Variants in NTRK2 observed in about 807,000 individuals in gnomAD.
NTRK2 encodes neurotrophic receptor tyrosine kinase 2.
In NTRK2, 13 loss-of-function variants were observed where a neutral mutation model predicts 94.5. That is an observed-to-expected ratio of 0.14 (90% CI 0.09 to 0.22). The LOEUF (loss-of-function observed/expected upper bound fraction) is 0.22. Ranked by LOEUF, NTRK2 falls within the 10% of genes least tolerant of loss-of-function variation. The pLI is 1.00. For synonymous variants in NTRK2, 372 were observed against 407.4 expected (o/e 0.91, Z 1.05); for missense variants, 639 against 1,071.2 (o/e 0.60, Z 5.63).
At chr9:84,982,948 G>C (rs1827838449) in intron 17 of NTRK2, among the ~76,000 whole-genome samples, 1 of 151,912 alleles carries the variant, frequency 6.6e-6, no homozygotes, top group African/African-American at 2.4e-5. Flanking sequence ...GAGCAGTGGT[G>C]GATTTTTTTT....
At chr9:84,832,758 T>C (rs1483101514) in intron 12 of NTRK2, among the ~76,000 whole-genome samples, 2 of 152,184 alleles carry the variant, frequency 1.3e-5, no homozygotes, top group African/African-American at 2.4e-5. Flanking sequence ...CACCTCAGTA[T>C]GATTTGCTGT....
intron 16 of NTRK2, among the ~76,000 whole-genome samples, chr9:84,953,768 G>A (rs1453887607): frequency 6.6e-6 from 1 of 152,172 alleles, no homozygotes; most frequent in Admixed American, 6.5e-5. Flanking sequence ...CTGTATTTTT[G>A]ACTAATGAAG....
intron 12 of NTRK2, among the ~76,000 whole-genome samples, chr9:84,820,150 T>A (rs2072694274): frequency 6.6e-6 from 1 of 151,172 alleles, no homozygotes; most frequent in East Asian, 1.9e-4. Context: ...AATAGCTTAC[T>A]TTTTTTCTTT....
At chr9:84,872,884 C>T (rs200695302) in intron 14 of NTRK2, 284 of 1,065,410 alleles carry the variant, frequency 2.7e-4, no homozygotes, top group Non-Finnish European at 1.8e-4. Flanking sequence ...GGCACCCATT[C>T]TGCTCCCCTC....
chr9:84,998,548 C>A (rs1169111550), intron 17 of NTRK2, among the ~76,000 whole-genome samples: 4 of 152,194 alleles, frequency 2.6e-5, no homozygotes, highest in Admixed American at 1.3e-4. Context: ...GGCATACATG[C>A]TTTGCCTCCA....
At chr9:84,938,851 G>T (rs1024722962) in intron 15 of NTRK2, among the ~76,000 whole-genome samples, 1 of 152,032 alleles carries the variant, frequency 6.6e-6, no homozygotes, top group African/African-American at 2.4e-5. Context: ...AGGAGTTCAA[G>T]ACCAGCCTGG....
chr9:84,874,572 T>C, intron 14 of NTRK2: 2 of 1,063,722 alleles, frequency 1.9e-6, no homozygotes, highest in Non-Finnish European at 2.3e-6. Context: ...TTGTTCTTCT[T>C]TCTCTTGAAT....
At chr9:84,920,663 A>G (rs1468914102) in intron 14 of NTRK2, among the ~76,000 whole-genome samples, 1 of 152,136 alleles carries the variant, frequency 6.6e-6, no homozygotes, top group Non-Finnish European at 1.5e-5. Flanking sequence ...CCATGCCCCC[A>G]TCTCCCTTCC....
chr9:84,865,071 G>T (rs1013649841), intron 13 of NTRK2, among the ~76,000 whole-genome samples: 1 of 152,134 alleles, frequency 6.6e-6, no homozygotes, highest in African/African-American at 2.4e-5. Context: ...ATGGCCAGAA[G>T]CTGGATGATC....
At chr9:84,911,242 G>A (rs2077227195) in intron 14 of NTRK2, among the ~76,000 whole-genome samples, 2 of 152,058 alleles carry the variant, frequency 1.3e-5, no homozygotes, top group African/African-American at 4.8e-5. Context: ...TTATGAAGAT[G>A]TTTGTAGTAT....
At chr9:84,753,502 G>A (rs36060009) in intron 12 of NTRK2, among the ~76,000 whole-genome samples, 17,141 of 152,096 alleles carry the variant, frequency 0.11, 1,992 homozygotes, top group African/African-American at 0.29. Flanking sequence ...AACAGTGTAG[G>A]GAATCACTGT....
intron 12 of NTRK2, among the ~76,000 whole-genome samples, chr9:84,790,093 C>A (rs1038410394): frequency 6.6e-6 from 1 of 152,150 alleles, no homozygotes; most frequent in African/African-American, 2.4e-5. Flanking sequence ...CTCCTCAGTG[C>A]ATAGACAGAC....
intron 12 of NTRK2, among the ~76,000 whole-genome samples, chr9:84,853,071 T>C (rs1001921333): frequency 2.0e-5 from 3 of 152,142 alleles, no homozygotes; most frequent in African/African-American, 7.2e-5. Flanking sequence ...CTGAGTATTA[T>C]TTAGCAGGAG....
At chr9:84,738,310 T>G (rs1318252958) in intron 9 of NTRK2, among the ~76,000 whole-genome samples, 1 of 148,684 alleles carries the variant, frequency 6.7e-6, no homozygotes, top group African/African-American at 2.6e-5. Context: ...TCTCTTCTTC[T>G]TGGATTTTTT....
At chr9:84,962,637 T>C (rs1458781999) in intron 17 of NTRK2, among the ~76,000 whole-genome samples, 3 of 152,172 alleles carry the variant, frequency 2.0e-5, no homozygotes, top group Admixed American at 1.3e-4. Flanking sequence ...TTGGCTTGGA[T>C]GGGGCAGAAG....
chr9:84,691,730 CT>C (rs1356111625), intron 2 of NTRK2, among the ~76,000 whole-genome samples: 2 of 152,112 alleles, frequency 1.3e-5, no homozygotes, highest in Admixed American at 6.5e-5. Flanking sequence ...TAGACAAATG[CT>C]TGATTGAAAT....
chr9:84,819,773 C>T (rs907067981), intron 12 of NTRK2, among the ~76,000 whole-genome samples: 2 of 152,172 alleles, frequency 1.3e-5, no homozygotes, highest in Non-Finnish European at 2.9e-5. Context: ...TGGGATCCAG[C>T]AAAGCTATTT....
intron 17 of NTRK2, among the ~76,000 whole-genome samples, chr9:85,001,730 C>T (rs1830359391): frequency 6.6e-6 from 1 of 152,256 alleles, no homozygotes; most frequent in South Asian, 2.1e-4. Flanking sequence ...GGAGAAGGAT[C>T]TAAGGTAGTG....
chr9:84,825,354 G>C (rs889690529), intron 12 of NTRK2, among the ~76,000 whole-genome samples: 1 of 152,068 alleles, frequency 6.6e-6, no homozygotes, highest in Middle Eastern at 3.2e-3. Context: ...AGTAGATTAA[G>C]TCCAAGCTTC....
Sources: allele counts gnomAD v4.1 joint callset (sites outside exome capture counted in the v4.1 genomes callset), GRCh38; gene constraint gnomAD v4.1.1; transcripts MANE v1.5; gene names NCBI Gene and HGNC (gene_info 2026-07-23, HGNC 2026-07-21).